Variants in DENND5B observed in about 807,000 individuals in gnomAD.
DENND5B encodes the protein DENN domain containing 5B.
A neutral mutation model predicts 140.6 loss-of-function variants in DENND5B; 34 were observed. The observed-to-expected ratio is 0.24, with a 90% CI of 0.18 to 0.32. DENND5B has a LOEUF of 0.32. Among genes scored for constraint, DENND5B ranks in the 10% least tolerant of loss-of-function variants. DENND5B has a pLI of 1.00. For synonymous variants in DENND5B, 551 were observed against 562.1 expected (o/e 0.98, Z 0.28); for missense variants, 1,142 against 1,560.2 (o/e 0.73, Z 4.52).
intron 1 of DENND5B, among the ~76,000 whole-genome samples, chr12:31,501,226 T>C (rs962606090): frequency 6.6e-6 from 1 of 152,190 alleles, no homozygotes. Flanking sequence ...GATAGTGAGT[T>C]CTCACAAAAT....
intron 13 of DENND5B, among the ~76,000 whole-genome samples, chr12:31,413,084 C>T (rs1436407035): frequency 6.6e-6 from 1 of 152,152 alleles, no homozygotes; most frequent in East Asian, 1.9e-4. Flanking sequence ...CCATGCCCTG[C>T]TAACTTATTT....
chr12:31,461,507 T>C (rs1003670267), intron 3 of DENND5B, among the ~76,000 whole-genome samples: 3 of 152,196 alleles, frequency 2.0e-5, no homozygotes, highest in East Asian at 1.9e-4. Context: ...ATTTAAATGT[T>C]TGGAAGTAGA....
chr12:31,399,567 C>A (rs1412101462), intron 16 of DENND5B, 87 bp downstream of exon 16: 117 of 1,095,390 alleles, frequency 1.1e-4, no homozygotes, highest in Non-Finnish European at 1.5e-4. Flanking sequence ...GTGTGAGCCA[C>A]TGTGCCTGGC....
rs200952512 is a variant in DENND5B, at chr12:31,423,635, T to G, written c.2432A>C (p.Asp811Ala). Residue 811 changes from aspartate (D) to alanine (A), a missense_variant, in exon 11 of 21, where the codon GAC (aspartate) becomes GCC (alanine). This residue lies in a region of DENND5B where 268 missense variants were observed against 349.2 expected (regional missense o/e 0.77). Transcript: ENST00000389082. ...ALWSHLIQFQ[D>A]REEKQEHLAE... ...AAGGTGCTCTTGTTTCTCTTCTCTG[T>G]CCTGAAATTGAATTAAATGTGACCA... is the stretch of plus-strand genomic sequence containing the variant. 1 of 1,613,960 alleles carries G rather than the reference T, an allele frequency of 6.2e-7. No homozygotes were observed. Among genetic ancestry groups the G allele is most frequent in the South Asian group, 1.1e-5 (1 of 91,080 alleles).
intron 4 of DENND5B, 71 bp downstream of exon 4, chr12:31,460,123 G>T: frequency 7.1e-7 from 1 of 1,418,088 alleles, no homozygotes; most frequent in Non-Finnish European, 9.6e-7. Context: ...CAAAGACAAT[G>T]CAATCTAACG....
chr12:31,457,406 C>A (rs1944824106), intron 4 of DENND5B, among the ~76,000 whole-genome samples: 1 of 152,108 alleles, frequency 6.6e-6, no homozygotes, highest in South Asian at 2.1e-4. Context: ...TAAAATCATA[C>A]CTTCTTAAAA....
At chr12:31,564,730 A>C (rs1158533986) in intron 1 of DENND5B, among the ~76,000 whole-genome samples, 1 of 151,556 alleles carries the variant, frequency 6.6e-6, no homozygotes, top group African/African-American at 2.4e-5. Flanking sequence ...CTGGGACTAC[A>C]GGTAGGCACC....
intron 6 of DENND5B, among the ~76,000 whole-genome samples, chr12:31,444,938 A>G (rs1224561907): frequency 1.3e-5 from 2 of 152,206 alleles, no homozygotes; most frequent in Admixed American, 6.5e-5. Flanking sequence ...CATCATTTAC[A>G]TACTTCTCCC....
chr12:31,423,125 G>A (rs1943100958), intron 11 of DENND5B, among the ~76,000 whole-genome samples: 1 of 151,980 alleles, frequency 6.6e-6, no homozygotes, highest in Admixed American at 6.6e-5. Flanking sequence ...ATTTTTTGTA[G>A]AGATGGGGTT....
chr12:31,580,335 A>G (rs1950174487), intron 1 of DENND5B, among the ~76,000 whole-genome samples: 1 of 152,198 alleles, frequency 6.6e-6, no homozygotes, highest in African/African-American at 2.4e-5. Context: ...GGAATAGGCT[A>G]ATACATTTTA....
intron 1 of DENND5B, among the ~76,000 whole-genome samples, chr12:31,586,931 C>G (rs1345288794): frequency 2.0e-5 from 3 of 152,206 alleles, no homozygotes. Flanking sequence ...TTGCCTAACA[C>G]AGTTTCATGA....
intron 4 of DENND5B, among the ~76,000 whole-genome samples, chr12:31,459,942 C>T (rs906977204): frequency 2.6e-5 from 4 of 152,322 alleles, no homozygotes; most frequent in African/African-American, 9.6e-5. Context: ...CATGCTACCA[C>T]TGCTCCATCT....
chr12:31,455,138 T>C (rs912087096), intron 4 of DENND5B, among the ~76,000 whole-genome samples: 1 of 152,144 alleles, frequency 6.6e-6, no homozygotes, highest in African/African-American at 2.4e-5. Flanking sequence ...ATCTTTAAAA[T>C]GGAAGAAAAA....
intron 11 of DENND5B, among the ~76,000 whole-genome samples, chr12:31,418,992 G>C (rs975479608): frequency 2.0e-5 from 3 of 152,086 alleles, no homozygotes; most frequent in Non-Finnish European, 4.4e-5. Flanking sequence ...GCAGCCCTAG[G>C]AAATGAATGC....
chr12:31,407,501 C>T (rs1942193145), intron 14 of DENND5B, among the ~76,000 whole-genome samples: 1 of 152,220 alleles, frequency 6.6e-6, no homozygotes, highest in African/African-American at 2.4e-5. Flanking sequence ...AGTAACTTGA[C>T]AGGCATTACA....
In DENND5B at chr12:31,433,262, A is replaced by G. The variant is rs374474791; in HGVS notation, c.2013-14T>C. 3.2e-5 allele frequency: 51 copies of G among 1,605,666 alleles called. No homozygotes were observed. In the African/African-American group the frequency reaches 5.2e-4, roughly 16 times the overall value. On this transcript the variant is annotated splice_polypyrimidine_tract_variant and intron_variant, in intron 7 of 20. Transcript: ENST00000389082. ...CTTACCCAGCGACTGAAACAATCAAATTATTTAAAAATGTGTTCCTTATCT... is the reference window on the plus strand; with the variant it reads ...CTTACCCAGCGACTGAAACAATCAAGTTATTTAAAAATGTGTTCCTTATCT...
intron 1 of DENND5B, among the ~76,000 whole-genome samples, chr12:31,544,293 T>A (rs1440045206): frequency 6.6e-6 from 1 of 152,244 alleles, no homozygotes; most frequent in Non-Finnish European, 1.5e-5. Flanking sequence ...TTTTAATTTT[T>A]ATTTTTGAGA....
intron 14 of DENND5B, 112 bp from the exon 15 acceptor site, chr12:31,402,755 C>T (rs1466777157): frequency 1.6e-6 from 2 of 1,253,886 alleles, no homozygotes; most frequent in Non-Finnish European, 2.2e-6. Flanking sequence ...TTTTTATGAG[C>T]TATCAAGATG....
At chr12:31,400,595 T>C (rs183583546) in intron 15 of DENND5B, among the ~76,000 whole-genome samples, 465 of 152,308 alleles carry the variant, frequency 3.1e-3, no homozygotes, top group Admixed American at 5.0e-3. Flanking sequence ...GGGTACCTAG[T>C]AGATGTGTAT....
Sources: allele counts gnomAD v4.1 joint callset (sites outside exome capture counted in the v4.1 genomes callset), GRCh38; gene constraint gnomAD v4.1.1; regional missense constraint gnomAD v4.1.1; transcripts MANE v1.5; gene names NCBI Gene and HGNC (gene_info 2026-07-23, HGNC 2026-07-21).